The following LRP2 variants were observed in gnomAD, a reference collection of about 807,000 sequenced individuals.
The protein encoded by LRP2 is low-density lipoprotein receptor-related protein 2.
Under a neutral mutation model 531.0 loss-of-function variants are expected in LRP2, and 172 were observed. That is an observed-to-expected ratio of 0.32 (90% CI 0.29 to 0.37). LRP2 has a LOEUF of 0.37. Among genes scored for constraint, LRP2 ranks in the 10% least tolerant of loss-of-function variants. LRP2 has a pLI of 1.00. For synonymous variants in LRP2, 1,992 were observed against 2,027.6 expected, an observed-to-expected ratio of 0.98 and a Z score of 0.47; for missense variants, 5,167 against 5,868.3, an observed-to-expected ratio of 0.88 and a Z score of 3.90.
At position 169,293,176 on chromosome 2, in the gene LRP2, C is replaced by A. The variant is rs144966706; in HGVS notation, c.653-807G>T. Among the ~76,000 whole-genome samples the A allele has an allele frequency of 1.1e-4, 17 of 152,280 alleles. No homozygotes were observed. In the East Asian group the frequency reaches 3.3e-3, roughly 29 times the overall value. The stretch of plus-strand genomic sequence containing the variant: ...GAGGTGTGGAGGGAAATCATACATT[C>A]TAGTAAATAAATCACCACGCAAAGC... On this transcript the variant is annotated intron_variant, in intron 6 of 78. Transcript: ENST00000649046.
chr2:169,359,035 G>C (rs1686074259), intron 1 of LRP2, among the ~76,000 whole-genome samples: 1 of 151,814 alleles, frequency 6.6e-6, no homozygotes, highest in African/African-American at 2.4e-5. Context: ...AATAGGAATA[G>C]GAAGCAAAAC....
At position 169,241,360 on chromosome 2, in the gene LRP2, TGGTTGCTAGAAGG is replaced by T; in HGVS notation, c.3668-8_3672del. The T allele has an allele frequency of 6.2e-7, 1 of 1,614,152 alleles. No homozygotes were observed. The highest frequency in any genetic ancestry group is 8.5e-7 in the Non-Finnish European group (1 of 1,180,026). On this transcript the variant is annotated splice_acceptor_variant and splice_polypyrimidine_tract_variant and coding_sequence_variant and intron_variant, in exon 25 of 79. Coordinates refer to ENST00000649046, the MANE Select transcript of LRP2 (RefSeq NM_004525.3). LOFTEE classifies it high-confidence loss of function. ...TCTGAGTGGCACATACCAGGAGGCC[TGGTTGCTAGAAGG>T]AAAACATGGGGTAAATCGGCTTGTG...
rs1219850294 is a variant in LRP2 at position 169,206,878 on chromosome 2, T to C, written c.6842A>G (p.Tyr2281Cys). Residue 2281 changes from tyrosine (Y) to cysteine (C), a missense_variant, in exon 39 of 79, where the codon TAT becomes TGT. Tyr to Cys is a radical substitution (Grantham distance 194). Transcript: ENST00000649046. ...IRYGSRYPTP[Y>C]GITVFENSII... Reference sequence around the variant, plus strand: ...AGAATTTTCAAAAACAGTGATGCCATAAGGAGTTGGGTAACGACTGCCATA... The same window carrying C: ...AGAATTTTCAAAAACAGTGATGCCACAAGGAGTTGGGTAACGACTGCCATA... The C allele has an allele frequency of 1.9e-6, 3 of 1,614,178 alleles. No individual in the cohort carries two copies. Among genetic ancestry groups the C allele is most frequent in the East Asian group, 2.2e-5 (1 of 44,888 alleles).
chr2:169,212,899 G>A (rs552622687), intron 36 of LRP2, among the ~76,000 whole-genome samples: 28 of 151,142 alleles, frequency 1.9e-4, no homozygotes, highest in Non-Finnish European at 4.1e-4. Flanking sequence ...AACACCACCT[G>A]TACCCCAAAA....
chr2:169,303,763 T>A (rs1684343650), intron 4 of LRP2, among the ~76,000 whole-genome samples: 1 of 152,150 alleles, frequency 6.6e-6, no homozygotes, highest in Non-Finnish European at 1.5e-5. Context: ...AATGCCTCAC[T>A]GCAAAATCCC....
In LRP2 at chr2:169,277,616, G is replaced by T. The variant is rs1001770721; in HGVS notation, c.1772+129C>A. On this transcript the variant is annotated intron_variant, in intron 13 of 78. Coordinates refer to ENST00000649046, the MANE Select transcript of LRP2 (RefSeq NM_004525.3). The stretch of plus-strand genomic sequence containing the variant: ...ACTTCATGCAAATGTCAGTACAAAG[G>T]TCATTAAAGCTATCATGTCCACCAA... The T allele has an allele frequency of 5.9e-6, 5 of 845,098 alleles. No individual in the cohort carries two copies. In the Admixed American group the frequency reaches 8.2e-5, roughly 14 times the overall value. 52.3% of individuals were successfully genotyped at this position (845,098 alleles called of 1,614,324 possible). A position where few individuals can be genotyped will look rare whatever the true frequency, so the allele number is the denominator to read the frequency against.
At chr2:169,236,478 T>C (rs563015444) in intron 28 of LRP2, among the ~76,000 whole-genome samples, 1 of 152,326 alleles carries the variant, frequency 6.6e-6, no homozygotes, top group East Asian at 1.9e-4. Context: ...TAAATTTCAG[T>C]GGTGTGTAAT....
rs375149200 is a variant in LRP2, at chr2:169,146,822, C to T, written c.12728G>A (p.Arg4243Gln). 9.3e-6 allele frequency: 15 copies of T among 1,614,112 alleles called. No homozygotes were observed. Among genetic ancestry groups the T allele is most frequent in the African/African-American group, 6.7e-5 (5 of 75,038 alleles). Residue 4243 changes from arginine to glutamine, a missense_variant, in exon 69 of 79, where the codon CGA becomes CAA. By Grantham distance (43) the Arg-to-Gln change is conservative (BLOSUM62 1). Around this residue, in one of 6 missense-constraint regions of LRP2, gnomAD observed 564 missense variants for 747.7 expected, o/e 0.75. Transcript: ENST00000649046. ...CTCCTTGAAGTCACTCCAGTAGATT[C>T]GGTCATTGTTCAAATAATCGATAGA... The part of the protein sequence containing the change: ...GLSIDYLNND[R>Q]IYWSDFKEDV...
At chr2:169,201,942 T>A (rs1688217255) in intron 43 of LRP2, 72 bp from the exon 44 acceptor site, 1 of 1,580,984 alleles carries the variant, frequency 6.3e-7, no homozygotes, top group Admixed American at 1.7e-5. Context: ...AAAGATACAA[T>A]TAAATAAAAG....
intron 41 of LRP2, 38 bp downstream of exon 41, chr2:169,205,441 T>C (rs771208618): frequency 3.7e-6 from 6 of 1,612,514 alleles, no homozygotes; most frequent in Admixed American, 3.3e-5. Flanking sequence ...AAGAAAAACC[T>C]CTTCTTAACA....
At chr2:169,294,085 A>G in intron 6 of LRP2, 63 bp downstream of exon 6, 1 of 1,226,454 alleles carries the variant, frequency 8.2e-7, no homozygotes, top group Non-Finnish European at 1.2e-6. Context: ...ATAAAACAAA[A>G]CAAAACCGAA....
chr2:169,148,819 A>G lies in LRP2; in HGVS notation c.12591-1860T>C, dbSNP rs191578586. On this transcript the variant is annotated intron_variant, in intron 68 of 78. Coordinates refer to ENST00000649046, the MANE Select transcript of LRP2 (RefSeq NM_004525.3). ...AACAGCCGGCCTGGCTCCTTTGCCT[A>G]TCAGTACCCAAGACATCCATCTAGG... Among the ~76,000 whole-genome samples, 206 of 151,696 alleles carry G rather than the reference A, an allele frequency of 1.4e-3. 1 individual carries two copies. In the East Asian group the frequency reaches 0.022, roughly 16 times the overall value.
rs753071422 is a variant in LRP2, at chr2:169,128,182, T to A, written c.*481A>T. 15 of 169,584 alleles carry A rather than the reference T, an allele frequency of 8.8e-5. No individual in the cohort carries two copies. Among genetic ancestry groups the A allele is most frequent in the African/African-American group, 2.4e-4 (10 of 41,548 alleles). The allele number at this position is 169,584 out of a possible 1,614,324, so 10.5% of individuals were successfully genotyped here. On this transcript the variant is annotated 3_prime_UTR_variant, in exon 79 of 79. Transcript: ENST00000649046. ...TCAAATTGACATGTAATATTGAACA[T>A]TAATTAAGTGCTAATGTGTAAAAAT... is the stretch of plus-strand genomic sequence containing the variant.
chr2:169,254,628 A>T (rs1386504407), intron 19 of LRP2, among the ~76,000 whole-genome samples: 1 of 91,270 alleles, frequency 1.1e-5, no homozygotes. Context: ...ATGTACCCTA[A>T]AACTTAGAGT....
chr2:169,157,953 TAAATA>T (rs1304848082), intron 63 of LRP2, among the ~76,000 whole-genome samples: 1 of 145,864 alleles, frequency 6.9e-6, no homozygotes, highest in Non-Finnish European at 1.5e-5. Flanking sequence ...AATAAATAAA[TAAATA>T]AAAGACATGG....
intron 19 of LRP2, among the ~76,000 whole-genome samples, 191 bp from the exon 20 acceptor site, chr2:169,247,706 A>G (rs1024201923): frequency 2.0e-5 from 3 of 152,194 alleles, no homozygotes; most frequent in African/African-American, 7.2e-5. Context: ...GGAAGTCTGT[A>G]TGTTAATAAT....
Position 169,170,583 on chromosome 2 carries a change from T to C in LRP2, c.11348A>G (p.Asp3783Gly). 1 of 1,614,144 alleles carries C rather than the reference T, an allele frequency of 6.2e-7. No homozygotes were observed. The change falls in exon 59 of 79, where the codon GAC becomes GGC. Residue 3783 changes from aspartate to glycine, a missense_variant. Coordinates refer to ENST00000649046, the MANE Select transcript of LRP2 (RefSeq NM_004525.3). ...CCGTTCATCTGAGTTGTCCCCACAG[T>C]CGTTGTAATGGTCACAGATCCATCG... ...PSRWICDHYN[D>G]CGDNSDERDC...
At position 169,128,808 on chromosome 2, in the gene LRP2, C is replaced by T; in HGVS notation, c.13823G>A (p.Ser4608Asn). 1.2e-6 allele frequency: 2 copies of T among 1,614,102 alleles called. No homozygotes were observed. The highest frequency in any genetic ancestry group is 1.7e-6 in the Non-Finnish European group (2 of 1,179,996). The change falls in exon 79 of 79, where the codon AGT (serine) becomes AAT (asparagine). Residue 4608 changes from serine to asparagine, a missense_variant. Around this residue, in one of 6 missense-constraint regions of LRP2, gnomAD observed 348 missense variants for 369.3 expected, o/e 0.94. Coordinates refer to ENST00000649046, the MANE Select transcript of LRP2 (RefSeq NM_004525.3). ...TGATGGAGGTGGTGTCGCAGCAACA[C>T]TTTCCTTTTGCTCGTTCTCCATCTA... The part of the protein sequence containing the change: ...YAQMENEQKE[S>N]VAATPPPSPS...
intron 3 of LRP2, 93 bp from the exon 4 acceptor site, chr2:169,307,490 T>C (rs1684457979): frequency 5.0e-6 from 4 of 802,882 alleles, no homozygotes; most frequent in Middle Eastern, 2.6e-4. Context: ...AAGCATAAAG[T>C]TCATAGGGAC....
Sources: allele counts gnomAD v4.1 joint callset (sites outside exome capture counted in the v4.1 genomes callset), GRCh38; gene constraint gnomAD v4.1.1; regional missense constraint gnomAD v4.1.1; transcripts MANE v1.5; gene names NCBI Gene and HGNC (gene_info 2026-07-23, HGNC 2026-07-21).